TTC39A: variants seen among roughly 807,000 people sequenced by gnomAD.
The protein encoded by TTC39A is tetratricopeptide repeat domain 39A, also known as tetratricopeptide repeat protein 39A.
TTC39A carries 46 observed loss-of-function variants against 82.3 expected under a neutral mutation model. The ratio of observed to expected loss-of-function variants is 0.56; its 90% CI spans 0.44 to 0.71. TTC39A has a LOEUF of 0.71. Among genes scored for constraint, TTC39A ranks in the 30% least tolerant of loss-of-function variants. The probability of loss-of-function intolerance (pLI) is 0.00; values close to 1 mark genes in which losing one functional copy is unlikely to be tolerated. For synonymous variants in TTC39A, 254 were observed against 275.2 expected, an observed-to-expected ratio of 0.92 and a Z score of 0.76; for missense variants, 543 against 712.9, an observed-to-expected ratio of 0.76 and a Z score of 2.71.
intron 3 of TTC39A, 54 bp downstream of exon 3, chr1:51,312,758 G>A (rs1205625101): frequency 6.3e-7 from 1 of 1,592,228 alleles, no homozygotes; most frequent in East Asian, 2.2e-5. Context: ...ATGGGCCAGG[G>A]TGACAGCAGG....
At chr1:51,344,308 G>A (rs1483227768) in intron 1 of TTC39A, among the ~76,000 whole-genome samples, 1 of 152,154 alleles carries the variant, frequency 6.6e-6, no homozygotes, top group East Asian at 1.9e-4. Context: ...GGGAAGGGCT[G>A]AACCTCAGAA....
chr1:51,337,901 G>A (rs1645994224), intron 1 of TTC39A, among the ~76,000 whole-genome samples: 2 of 151,626 alleles, frequency 1.3e-5, no homozygotes, highest in South Asian at 2.1e-4. Context: ...TTTGAGTGGG[G>A]TCTCACTATA....
chr1:51,318,055 T>C (rs1645359297), intron 2 of TTC39A, among the ~76,000 whole-genome samples: 1 of 152,168 alleles, frequency 6.6e-6, no homozygotes, highest in Admixed American at 6.5e-5. Context: ...GGTTTTAATA[T>C]TTTCTCCTGT....
upstream of TTC39A, among the ~76,000 whole-genome samples, chr1:51,333,407 G>A (rs567629855): frequency 6.6e-6 from 1 of 152,314 alleles, no homozygotes; most frequent in East Asian, 1.9e-4. Flanking sequence ...TTTGGGTTAG[G>A]GATAGTCAGC....
intron 8 of TTC39A, among the ~76,000 whole-genome samples, chr1:51,303,596 G>A (rs753133018): frequency 6.6e-5 from 10 of 152,194 alleles, no homozygotes; most frequent in Non-Finnish European, 1.3e-4. Flanking sequence ...AGGCTTCCTG[G>A]GGGAGAAGCC....
At chr1:51,341,479 A>C (rs1646036509) in intron 1 of TTC39A, among the ~76,000 whole-genome samples, 1 of 152,016 alleles carries the variant, frequency 6.6e-6, no homozygotes, top group Non-Finnish European at 1.5e-5. Flanking sequence ...TTGCAACCCA[A>C]ATCTATTTCT....
intron 1 of TTC39A, chr1:51,322,169 T>C: frequency 6.5e-7 from 1 of 1,548,758 alleles, no homozygotes; most frequent in Non-Finnish European, 8.7e-7. Flanking sequence ...CATTGGGCTC[T>C]GCTGCCCCCC....
intron 1 of TTC39A, among the ~76,000 whole-genome samples, chr1:51,342,383 C>A (rs1646047766): frequency 2.0e-5 from 3 of 152,244 alleles, no homozygotes; most frequent in Admixed American, 6.5e-5. Flanking sequence ...CTGTTAGGTC[C>A]TTTACAAATG....
chr1:51,329,066 G>A (rs1645815087), intron 1 of TTC39A, among the ~76,000 whole-genome samples: 1 of 152,238 alleles, frequency 6.6e-6, no homozygotes, highest in South Asian at 2.1e-4. Flanking sequence ...CGTGAGAAGA[G>A]CAAGCTTGCT....
chr1:51,329,749 CAG>C (rs1304854300), intron 1 of TTC39A: 4 of 152,440 alleles, frequency 2.6e-5, no homozygotes, highest in African/African-American at 7.2e-5. Context: ...CCAGGAAAAG[CAG>C]AGAGTTGCTG....
At chr1:51,290,697 G>A (rs1644177909) in intron 14 of TTC39A, 72 bp from the exon 15 acceptor site, 1 of 1,270,536 alleles carries the variant, frequency 7.9e-7, no homozygotes, top group Non-Finnish European at 1.1e-6. Flanking sequence ...TCTACAAAAT[G>A]GGCAGTTCAG....
At position 51,316,199 on chromosome 1, in the gene TTC39A, C is replaced by T. The variant is rs373968499; in HGVS notation, c.147-3256G>A. 1.8e-4 allele frequency among the ~76,000 whole-genome samples: 27 copies of T among 152,338 alleles called. No homozygotes were observed. The East Asian group carries it at 5.2e-3, about 29-fold the overall frequency. ...GCACACTGCCGGGCCCAGGAGGGCG[C>T]TCAAAGGCTGTTGCTGAATGAACCA... is the stretch of plus-strand genomic sequence containing the variant. On this transcript the variant is annotated intron_variant, in intron 2 of 17. Transcript: ENST00000680483.
At position 51,295,728 on chromosome 1, in the gene TTC39A, T is replaced by G; in HGVS notation, c.1145+351A>C. 2 of 321,494 alleles carry G rather than the reference T, an allele frequency of 6.2e-6. 1 individual carries two copies. The highest frequency in any genetic ancestry group is 1.2e-5 in the Non-Finnish European group (2 of 166,858). 19.9% of individuals were successfully genotyped at this position (321,494 alleles called of 1,614,324 possible). A position where few individuals can be genotyped will look rare whatever the true frequency, so the allele number is the denominator to read the frequency against. ...CAGCTCTCTACTGTGCTTCTCTGAG[T>G]GTCTCAGGTTAACTCAGCAGAGTGA... On this transcript the variant is annotated intron_variant, in intron 13 of 17. Transcript: ENST00000680483.
chr1:51,311,915 C>T (rs998377484), intron 4 of TTC39A, among the ~76,000 whole-genome samples: 4 of 152,244 alleles, frequency 2.6e-5, no homozygotes, highest in African/African-American at 7.2e-5. Flanking sequence ...GTAGTGCTAT[C>T]GCATAAGTGG....
At chr1:51,314,597 C>G (rs1001197348) in intron 2 of TTC39A, among the ~76,000 whole-genome samples, 2 of 152,222 alleles carry the variant, frequency 1.3e-5, no homozygotes, top group Non-Finnish European at 1.5e-5. Context: ...GAAACCAAGG[C>G]TGCTCTACCA....
At chr1:51,306,144 C>T in intron 6 of TTC39A, 68 bp from the exon 7 acceptor site, 3 of 1,329,270 alleles carry the variant, frequency 2.3e-6, no homozygotes, top group Non-Finnish European at 2.2e-6. Context: ...GGGACCCCTT[C>T]CAGCTGGGCC....
chr1:51,303,128 A>ACACAGAG lies in TTC39A; in HGVS notation c.712_718dup (p.Val240AlafsTer40). On this transcript the variant is annotated frameshift_variant, in exon 9 of 18. Transcript: ENST00000680483. LOFTEE classifies it high-confidence loss of function. ...GGTGTGGTAGCACAGCAGGAGCATG[A>ACACAGAG]CACAGAGCACAGAGCGGAAGCTGTG... The ACACAGAG allele has an allele frequency of 1.3e-6, 2 of 1,593,150 alleles. No individual in the cohort carries two copies. Among genetic ancestry groups the ACACAGAG allele is most frequent in the South Asian group, 1.1e-5 (1 of 87,430 alleles).
intron 2 of TTC39A, among the ~76,000 whole-genome samples, chr1:51,317,196 G>A (rs970854957): frequency 1.1e-4 from 16 of 152,242 alleles, no homozygotes; most frequent in African/African-American, 3.6e-4. Context: ...ACAATTAAAC[G>A]AGACAATGTG....
chr1:51,306,114 G>A, intron 6 of TTC39A, 38 bp from the exon 7 acceptor site: 2 of 1,573,602 alleles, frequency 1.3e-6, no homozygotes, highest in Non-Finnish European at 1.7e-6. Context: ...AGCCACTGCT[G>A]GGGGTGGGGG....
Sources: allele counts gnomAD v4.1 joint callset (sites outside exome capture counted in the v4.1 genomes callset), GRCh38; gene constraint gnomAD v4.1.1; transcripts MANE v1.5; gene names NCBI Gene and HGNC (gene_info 2026-07-23, HGNC 2026-07-21).